The following DIP2A variants were observed in gnomAD, a reference collection of about 807,000 sequenced individuals.
DIP2A encodes DIP2 acetate--CoA ligase A.
DIP2A carries 85 observed loss-of-function variants against 177.4 expected under a neutral mutation model. That is an observed-to-expected ratio of 0.48 (90% CI 0.40 to 0.57). The LOEUF (loss-of-function observed/expected upper bound fraction) is 0.57, where lower values mean the gene tolerates loss of function less well. DIP2A is among the 20% of genes least tolerant of loss of function. DIP2A has a pLI of 0.00. For missense variants in DIP2A, 1,791 were observed against 2,100.2 expected, an observed-to-expected ratio of 0.85 and a Z score of 2.88; for synonymous variants, 886 against 881.8, an observed-to-expected ratio of 1.00 and a Z score of -0.08.
Position 46,545,155 on chromosome 21 carries a change from A to G in DIP2A, c.2195A>G (p.Lys732Arg). 1 of 1,600,594 alleles carries G rather than the reference A, an allele frequency of 6.2e-7. No homozygotes were observed. The highest frequency in any genetic ancestry group is 1.7e-5 in the Admixed American group (1 of 59,270). ...VMPGANVCVVKLEGTPYLCKT... is the reference protein window; with the variant it reads ...VMPGANVCVVRLEGTPYLCKT... ...ATTTTAGCTAATGTATGTGTTGTGA[A>G]GTTAGAAGGTACCCCTTATCTTTGT... The change falls in exon 19 of 38, where the codon AAG (lysine) becomes AGG (arginine). Residue 732 changes from lysine to arginine, a missense_variant. Lys to Arg is a conservative substitution (Grantham distance 26). Coordinates refer to ENST00000417564, the MANE Select transcript of DIP2A (RefSeq NM_015151.4).
downstream of DIP2A, among the ~76,000 whole-genome samples, chr21:46,572,345 A>G (rs573172718): frequency 2.0e-5 from 3 of 152,310 alleles, no homozygotes; most frequent in African/African-American, 4.8e-5. Flanking sequence ...TATAAAGTCT[A>G]TAGTAGTGTA....
At chr21:46,479,538 TA>T (rs1440783788) in intron 1 of DIP2A, among the ~76,000 whole-genome samples, 5 of 152,136 alleles carry the variant, frequency 3.3e-5, no homozygotes, top group Non-Finnish European at 7.3e-5. Context: ...ATAATTTGCT[TA>T]TTTTTTTTTA....
intron 31 of DIP2A, 146 bp from the exon 32 acceptor site, chr21:46,558,077 C>G (rs1190818487): frequency 3.4e-6 from 3 of 876,920 alleles, no homozygotes; most frequent in Non-Finnish European, 5.1e-6. Context: ...ACGTAGGATT[C>G]TGTGGAACAG....
rs577920170 is a variant in DIP2A at position 46,542,035 on chromosome 21, G to A, written c.2176+140G>A. ...GTGATCTTGGCTCACTGCATCCTCCGCCTCCCAGGTTCAAGCGATTCTCCT... is the reference window on the plus strand; with the variant it reads ...GTGATCTTGGCTCACTGCATCCTCCACCTCCCAGGTTCAAGCGATTCTCCT... On this transcript the variant is annotated intron_variant, in intron 18 of 37. Transcript: ENST00000417564. 2.3e-5 allele frequency: 22 copies of A among 959,864 alleles called. No homozygotes were observed. In the East Asian group the frequency reaches 3.4e-4, roughly 15 times the overall value. 59.5% of individuals were successfully genotyped at this position (959,864 alleles called of 1,614,324 possible). A position where few individuals can be genotyped will look rare whatever the true frequency, so the allele number is the denominator to read the frequency against.
intron 1 of DIP2A, among the ~76,000 whole-genome samples, chr21:46,460,616 T>G (rs764186984): frequency 6.6e-6 from 1 of 152,236 alleles, no homozygotes; most frequent in African/African-American, 2.4e-5. Flanking sequence ...GTTGTGATCT[T>G]GTTTTACATA....
rs554327073 is a variant in DIP2A, at chr21:46,461,181, C to G, written c.91+1959C>G. On this transcript the variant is annotated intron_variant, in intron 1 of 37. Transcript: ENST00000417564. ...GGCATGGTGGTGTGCACCTGTAGTCCCAGCTACTTGGGAGGCTGAGGCAGG... is the reference window on the plus strand; with the variant it reads ...GGCATGGTGGTGTGCACCTGTAGTCGCAGCTACTTGGGAGGCTGAGGCAGG... Among the ~76,000 whole-genome samples the G allele has an allele frequency of 2.1e-5, 3 of 145,576 alleles. No homozygotes were observed. The East Asian group carries it at 6.4e-4, about 31-fold the overall frequency.
rs956860479 is a variant in DIP2A at position 46,568,517 on chromosome 21, C to T, written c.*895C>T. ...CCTGGGTGACAGCACGAGATGCCGT[C>T]TTAAAAAAACAAAAAAGAGGTGTGC... On this transcript the variant is annotated 3_prime_UTR_variant, in exon 38 of 38. Coordinates refer to ENST00000417564, the MANE Select transcript of DIP2A (RefSeq NM_015151.4). 1 of 151,990 alleles carries T rather than the reference C, an allele frequency of 6.6e-6. No individual in the cohort carries two copies. The highest frequency in any genetic ancestry group is 1.5e-5 in the Non-Finnish European group (1 of 68,018). The allele number at this position is 151,990 out of a possible 1,614,324, so 9.4% of individuals were successfully genotyped here. A position where few individuals can be genotyped will look rare whatever the true frequency, so the allele number is the denominator to read the frequency against.
Position 46,490,659 on chromosome 21 carries a change from G to A in DIP2A, c.223G>A (p.Ala75Thr), listed in dbSNP as rs367792687. Residue 75 changes from alanine to threonine, a missense_variant, in exon 3 of 38, where the codon GCT becomes ACT. Physicochemically the swap from Ala to Thr is moderately conservative, Grantham distance 58. Coordinates refer to ENST00000417564, the MANE Select transcript of DIP2A (RefSeq NM_015151.4). The part of the protein sequence containing the change: ...RIPGPSQTTA[A>T]APKQQKSRPT... ...TCCTGGGCCCTCACAAACCACGGCC[G>A]CTGCACCCAAGCAGCAGAAGTCTCG... 3.0e-5 allele frequency: 47 copies of A among 1,589,912 alleles called. No homozygotes were observed. Among genetic ancestry groups the A allele is most frequent in the African/African-American group, 2.1e-4 (16 of 74,612 alleles).
At chr21:46,474,222 C>T (rs558316436) in intron 1 of DIP2A, among the ~76,000 whole-genome samples, 6 of 152,262 alleles carry the variant, frequency 3.9e-5, no homozygotes, top group South Asian at 2.1e-4. Flanking sequence ...CTCACGAAGA[C>T]GTGGAACACA....
chr21:46,511,213 C>T (rs934198343), intron 7 of DIP2A, among the ~76,000 whole-genome samples: 1 of 152,198 alleles, frequency 6.6e-6, no homozygotes, highest in African/African-American at 2.4e-5. Context: ...AACTTTATTT[C>T]ACAGCCGTCA....
intron 37 of DIP2A, 57 bp from the exon 38 acceptor site, chr21:46,567,313 T>C: frequency 6.4e-7 from 1 of 1,558,104 alleles, no homozygotes; most frequent in East Asian, 2.3e-5. Flanking sequence ...CAAGCATTCA[T>C]TGGCCCCTGT....
chr21:46,490,509 G>A, intron 2 of DIP2A, 91 bp from the exon 3 acceptor site: 3 of 1,417,914 alleles, frequency 2.1e-6, no homozygotes, highest in South Asian at 1.4e-5. Flanking sequence ...GTATGCAACA[G>A]ATGAGAAATG....
chr21:46,464,489 G>A (rs1352755509), intron 1 of DIP2A, among the ~76,000 whole-genome samples: 1 of 152,182 alleles, frequency 6.6e-6, no homozygotes, highest in Admixed American at 6.5e-5. Flanking sequence ...TTGTGTTTGT[G>A]TTCTATAACA....
chr21:46,468,427 AAGAG>A (rs999275919), intron 1 of DIP2A, among the ~76,000 whole-genome samples: 1 of 149,988 alleles, frequency 6.7e-6, no homozygotes, highest in Non-Finnish European at 1.5e-5. Context: ...AAAAAAAAAA[AAGAG>A]AGAAAATCGG....
chr21:46,547,229 T>C (rs1183900315), intron 21 of DIP2A, 187 bp downstream of exon 21: 19 of 1,383,982 alleles, frequency 1.4e-5, no homozygotes, highest in Non-Finnish European at 9.4e-7. Flanking sequence ...ATATCCTTAC[T>C]GTCCAAAGAG....
Position 46,539,882 on chromosome 21 carries a change from A to C in DIP2A, c.1927A>C (p.Ile643Leu). The C allele has an allele frequency of 6.2e-7, 1 of 1,613,606 alleles. No homozygotes were observed. Among genetic ancestry groups the C allele is most frequent in the Non-Finnish European group, 8.5e-7 (1 of 1,179,660 alleles). The change falls in exon 17 of 38, where the codon ATC (isoleucine) becomes CTC (leucine). Residue 643 changes from isoleucine to leucine, a missense_variant. Physicochemically the swap from Ile to Leu is conservative, Grantham distance 5. Coordinates refer to ENST00000417564, the MANE Select transcript of DIP2A (RefSeq NM_015151.4). ...IVADGANPWS[I>L]SSCDAFLNVF... ...ACTCTTGTTGCTCTGTGCAGGGTCG[A>C]TCTCCTCCTGTGACGCCTTCCTCAA...
chr21:46,544,097 C>T (rs1194383534), intron 18 of DIP2A, among the ~76,000 whole-genome samples: 1 of 152,092 alleles, frequency 6.6e-6, no homozygotes, highest in Non-Finnish European at 1.5e-5. Flanking sequence ...TTGTGCATCT[C>T]ATGCTTTTGT....
chr21:46,550,438 C>T (rs1026569856), intron 22 of DIP2A, 105 bp from the exon 23 acceptor site: 3 of 1,110,186 alleles, frequency 2.7e-6, no homozygotes, highest in African/African-American at 3.2e-5. Flanking sequence ...ATTCCATTTC[C>T]TGGCCTGGGG....
chr21:46,560,336 G>T (rs1302592482), intron 32 of DIP2A, among the ~76,000 whole-genome samples: 1 of 152,252 alleles, frequency 6.6e-6, no homozygotes, highest in Non-Finnish European at 1.5e-5. Flanking sequence ...GTCCCCGGTA[G>T]AATTAGGCTG....
Sources: allele counts gnomAD v4.1 joint callset (sites outside exome capture counted in the v4.1 genomes callset), GRCh38; gene constraint gnomAD v4.1.1; transcripts MANE v1.5; gene names NCBI Gene and HGNC (gene_info 2026-07-23, HGNC 2026-07-21).